ARHGAP31: variants seen among roughly 807,000 people sequenced by gnomAD.
The protein encoded by ARHGAP31 is rho GTPase-activating protein 31.
A neutral mutation model predicts 113.9 loss-of-function variants in ARHGAP31; 34 were observed. The observed-to-expected ratio is 0.30, with a 90% CI of 0.23 to 0.40. ARHGAP31 has a LOEUF of 0.40. ARHGAP31 is among the 10% of genes least tolerant of loss of function. ARHGAP31 has a pLI of 1.00. For missense variants in ARHGAP31, 1,548 were observed against 1,767.1 expected (o/e 0.88, Z 2.22); for synonymous variants, 650 against 684.8 (o/e 0.95, Z 0.79).
intron 1 of ARHGAP31, among the ~76,000 whole-genome samples, chr3:119,326,985 CA>C (rs953561671): frequency 6.6e-6 from 1 of 151,718 alleles, no homozygotes; most frequent in Non-Finnish European, 1.5e-5. Context: ...GGAAAATACA[CA>C]AAAAATTAGC....
At chr3:119,297,092 T>G (rs1438143781) in intron 1 of ARHGAP31, among the ~76,000 whole-genome samples, 1 of 152,248 alleles carries the variant, frequency 6.6e-6, no homozygotes, top group Admixed American at 6.5e-5. Context: ...CCACACACTG[T>G]TATTGTGCTA....
At chr3:119,386,972 G>A (rs1180769815) in intron 6 of ARHGAP31, among the ~76,000 whole-genome samples, 2 of 152,222 alleles carry the variant, frequency 1.3e-5, no homozygotes, top group South Asian at 2.1e-4. Flanking sequence ...AGGCAGACTA[G>A]GAGTGTGACC....
intron 9 of ARHGAP31, among the ~76,000 whole-genome samples, chr3:119,401,149 C>A (rs1187669833): frequency 6.9e-6 from 1 of 145,908 alleles, no homozygotes; most frequent in Non-Finnish European, 1.5e-5. Context: ...CCAGCCTGGG[C>A]GACAGAGCTG....
intron 6 of ARHGAP31, among the ~76,000 whole-genome samples, chr3:119,390,319 T>G (rs1424430769): frequency 6.6e-6 from 1 of 152,246 alleles, no homozygotes; most frequent in Admixed American, 6.5e-5. Flanking sequence ...TGAAATGGCC[T>G]TGGAGCATGT....
chr3:119,353,278 C>T (rs984193853), intron 1 of ARHGAP31, among the ~76,000 whole-genome samples: 35 of 152,182 alleles, frequency 2.3e-4, no homozygotes, highest in Non-Finnish European at 5.9e-5. Flanking sequence ...TGTTCTTGTT[C>T]AACATCTAAA....
intron 1 of ARHGAP31, among the ~76,000 whole-genome samples, chr3:119,320,660 G>A (rs1386403889): frequency 2.6e-5 from 4 of 152,144 alleles, no homozygotes; most frequent in Non-Finnish European, 5.9e-5. Context: ...CCACAAACCA[G>A]CAAGTCCTCA....
intron 6 of ARHGAP31, among the ~76,000 whole-genome samples, chr3:119,384,050 G>A (rs1300253859): frequency 6.6e-6 from 1 of 152,264 alleles, no homozygotes; most frequent in South Asian, 2.1e-4. Context: ...CTGCTGTTCA[G>A]GTCCACACTT....
At chr3:119,408,699 G>T (rs894815037) in intron 10 of ARHGAP31, among the ~76,000 whole-genome samples, 1 of 152,188 alleles carries the variant, frequency 6.6e-6, no homozygotes, top group Admixed American at 6.5e-5. Context: ...GCTATGTGCC[G>T]AGCACAGTCC....
chr3:119,345,297 A>T (rs1057442914), intron 1 of ARHGAP31, among the ~76,000 whole-genome samples: 5 of 146,566 alleles, frequency 3.4e-5, no homozygotes, highest in African/African-American at 1.2e-4. Flanking sequence ...GGTGGGATTT[A>T]AAAAAAATTT....
chr3:119,313,602 T>C (rs2079701909), intron 1 of ARHGAP31, among the ~76,000 whole-genome samples: 1 of 152,198 alleles, frequency 6.6e-6, no homozygotes, highest in African/African-American at 2.4e-5. Flanking sequence ...GTCTGGTCAA[T>C]TGATACTCTG....
Position 119,415,706 on chromosome 3 carries a change from G to C in ARHGAP31, c.3777G>C (p.Lys1259Asn), listed in dbSNP as rs769790341. The C allele has an allele frequency of 6.2e-7, 1 of 1,614,054 alleles. No individual in the cohort carries two copies. The highest frequency in any genetic ancestry group is 8.5e-7 in the Non-Finnish European group (1 of 1,179,982). Reference protein sequence around the residue: ...DDSPSSLESSKEEKPKQDPGA... With the variant: ...DDSPSSLESSNEEKPKQDPGA... ...CTCCCTCCTCCCTGGAAAGCTCAAAGGAAGAAAAACCAAAGCAAGATCCCG... is the reference window on the plus strand; with the variant it reads ...CTCCCTCCTCCCTGGAAAGCTCAAACGAAGAAAAACCAAAGCAAGATCCCG... Residue 1259 changes from lysine to asparagine, a missense_variant, in exon 12 of 12, where the codon AAG becomes AAC. By Grantham distance (94) the Lys-to-Asn change is moderately conservative (BLOSUM62 0). Transcript: ENST00000264245.
intron 1 of ARHGAP31, among the ~76,000 whole-genome samples, chr3:119,328,856 G>A (rs76179947): frequency 0.017 from 2,653 of 152,148 alleles, 34 homozygotes; most frequent in East Asian, 0.058. Flanking sequence ...TGGCCAGGCC[G>A]GTCTCTCTGT....
At chr3:119,350,076 A>G (rs1292628862) in intron 1 of ARHGAP31, among the ~76,000 whole-genome samples, 1 of 152,210 alleles carries the variant, frequency 6.6e-6, no homozygotes, top group Non-Finnish European at 1.5e-5. Context: ...TTGTAGAATA[A>G]GAAAACTGTT....
chr3:119,393,467 G>A lies in ARHGAP31; in HGVS notation c.882G>A (p.Lys294=). 1 of 1,614,064 alleles carries A rather than the reference G, an allele frequency of 6.2e-7. No individual in the cohort carries two copies. The highest frequency in any genetic ancestry group is 8.5e-7 in the Non-Finnish European group (1 of 1,179,978). Residue 294 remains lysine (K), a splice_region_variant and synonymous_variant, in exon 8 of 12, where the codon AAG becomes AAA. Coordinates refer to ENST00000264245, the MANE Select transcript of ARHGAP31 (RefSeq NM_020754.4). ...FHTVLELPDN[K]RKLSSKSKKW... ...ACCCCTTATGCCTTGGTTCTTTTAG[G>A]CGAAAGCTCTCCAGTAAATCAAAGA...
intron 2 of ARHGAP31, among the ~76,000 whole-genome samples, chr3:119,367,903 G>A (rs940036764): frequency 6.6e-6 from 1 of 150,578 alleles, no homozygotes; most frequent in African/African-American, 2.4e-5. Context: ...AAGTTCTCAA[G>A]CTTTGGGTTT....
chr3:119,328,990 A>G (rs1025532550), intron 1 of ARHGAP31, among the ~76,000 whole-genome samples: 3 of 152,244 alleles, frequency 2.0e-5, no homozygotes, highest in African/African-American at 7.2e-5. Flanking sequence ...CTCCTAGAAA[A>G]ATAATAATCA....
At chr3:119,344,012 A>C (rs1577004269) in intron 1 of ARHGAP31, among the ~76,000 whole-genome samples, 1 of 151,734 alleles carries the variant, frequency 6.6e-6, no homozygotes, top group Admixed American at 6.6e-5. Context: ...TGGCTGTGTG[A>C]GTGTGATACT....
intron 1 of ARHGAP31, among the ~76,000 whole-genome samples, chr3:119,332,944 A>G (rs993596391): frequency 2.0e-5 from 3 of 152,102 alleles, no homozygotes; most frequent in Non-Finnish European, 4.4e-5. Flanking sequence ...AATTCAACCT[A>G]TTAGGTAGAT....
At chr3:119,324,090 A>G (rs915655103) in intron 1 of ARHGAP31, among the ~76,000 whole-genome samples, 12 of 150,658 alleles carry the variant, frequency 8.0e-5, no homozygotes, top group African/African-American at 2.7e-4. Context: ...TCTACACCGA[A>G]GGGGTGAAGT....
Sources: allele counts gnomAD v4.1 joint callset (sites outside exome capture counted in the v4.1 genomes callset), GRCh38; gene constraint gnomAD v4.1.1; transcripts MANE v1.5; gene names NCBI Gene and HGNC (gene_info 2026-07-23, HGNC 2026-07-21).